Variants in SYNE2 observed in about 807,000 individuals in gnomAD.
The protein encoded by SYNE2 is spectrin repeat containing nuclear envelope protein 2.
A neutral mutation model predicts 856.3 loss-of-function variants in SYNE2; 431 were observed. That is an observed-to-expected ratio of 0.50 (90% confidence interval 0.47 to 0.55). SYNE2 has a LOEUF of 0.55. Ranked by LOEUF, SYNE2 falls within the 20% of genes least tolerant of loss-of-function variation. The probability of loss-of-function intolerance (pLI) is 0.00; values close to 1 mark genes in which losing one functional copy is unlikely to be tolerated. For synonymous variants in SYNE2, 2,923 were observed against 2,872.3 expected, an observed-to-expected ratio of 1.02 and a Z score of -0.56; for missense variants, 8,129 against 8,023.2, an observed-to-expected ratio of 1.01 and a Z score of -0.50.
At chr14:64,032,232 C>T (rs929582675) in intron 45 of SYNE2, among the ~76,000 whole-genome samples, 1 of 152,210 alleles carries the variant, frequency 6.6e-6, no homozygotes, top group Non-Finnish European at 1.5e-5. Flanking sequence ...GAGCATCTCT[C>T]TGTGAGGAAA....
chr14:64,163,340 C>T (rs1053069376), intron 88 of SYNE2, 62 bp from the exon 89 acceptor site: 16 of 1,576,630 alleles, frequency 1.0e-5, no homozygotes, highest in African/African-American at 2.7e-5. Flanking sequence ...GGAGCAGCAG[C>T]GGGTAGGGAA....
chr14:63,772,636 G>C (rs140668598), intron 1 of SYNE2, among the ~76,000 whole-genome samples: 1 of 151,294 alleles, frequency 6.6e-6, no homozygotes, highest in African/African-American at 2.4e-5. Flanking sequence ...CCAGCTATTC[G>C]GGAGGCTGAG....
chr14:64,052,903 A>C lies in SYNE2; in HGVS notation c.8990A>C (p.Gln2997Pro), dbSNP rs1327259722. 1 of 1,613,524 alleles carries C rather than the reference A, an allele frequency of 6.2e-7. No individual in the cohort carries two copies. The highest frequency in any genetic ancestry group is 8.5e-7 in the Non-Finnish European group (1 of 1,179,856). The change falls in exon 48 of 116, where the codon CAG becomes CCG. Residue 2997 changes from glutamine to proline, a missense_variant. This residue lies in a region of SYNE2 where 5,410 missense variants were observed against 5,284.8 expected (regional missense o/e 1.02). Transcript: ENST00000555002. Reference protein sequence around the residue: ...RLTAIKCCILQVLKLKKVFDY... With the variant: ...RLTAIKCCILPVLKLKKVFDY... Reference sequence around the variant, plus strand: ...ACCGCTATTAAGTGTTGCATCTTACAGGTATTGAAACTTAAAAAAGTGTTT... The same window carrying C: ...ACCGCTATTAAGTGTTGCATCTTACCGGTATTGAAACTTAAAAAAGTGTTT...
chr14:63,841,340 C>T (rs929032427), intron 1 of SYNE2, among the ~76,000 whole-genome samples: 2 of 152,204 alleles, frequency 1.3e-5, no homozygotes, highest in Admixed American at 6.5e-5. Context: ...TAGCTGTCCT[C>T]ATGCTGCTTG....
chr14:63,978,937 G>T lies in SYNE2; in HGVS notation c.1492G>T (p.Val498Leu). 6.2e-7 allele frequency: 1 copy of T among 1,613,556 alleles called. No individual in the cohort carries two copies. Among genetic ancestry groups the T allele is most frequent in the Non-Finnish European group, 8.5e-7 (1 of 1,179,576 alleles). ...KCLVLGLVDE[V>L]KSKLDIWNIK... ...CTTAGTTCTTGGTTTGGTAGATGAA[G>T]TGAAATCAAAATTGGATATTTGGAA... The change falls in exon 14 of 116, where the codon GTG (valine) becomes TTG (leucine). Residue 498 changes from valine (V) to leucine (L), a missense_variant. By Grantham distance (32) the Val-to-Leu change is conservative (BLOSUM62 1). Transcript: ENST00000555002.
chr14:64,060,404 G>T (rs558334428), intron 49 of SYNE2, among the ~76,000 whole-genome samples: 1 of 151,626 alleles, frequency 6.6e-6, no homozygotes, highest in East Asian at 2.0e-4. Context: ...CGAGGAAGTG[G>T]GTTCCCTTCT....
At chr14:63,798,314 T>G (rs568864966) in intron 1 of SYNE2, among the ~76,000 whole-genome samples, 56 of 152,190 alleles carry the variant, frequency 3.7e-4, no homozygotes, top group African/African-American at 1.3e-3. Flanking sequence ...CCTCCCAAAG[T>G]GCAAGAATTA....
At position 63,938,345 on chromosome 14, in the gene SYNE2, A is replaced by G. The variant is rs528314422; in HGVS notation, c.80-2269A>G. ...GCAGTACACGCCTGTAGTCCCAGCTACTTGGGAGCCTGGGAGGTCAAGGCT... is the reference window on the plus strand; with the variant it reads ...GCAGTACACGCCTGTAGTCCCAGCTGCTTGGGAGCCTGGGAGGTCAAGGCT... On this transcript the variant is annotated intron_variant, in intron 2 of 115. Coordinates refer to ENST00000555002, the MANE Select transcript of SYNE2 (RefSeq NM_182914.3). Among the ~76,000 whole-genome samples the G allele has an allele frequency of 2.6e-5, 4 of 152,240 alleles. No homozygotes were observed. In the South Asian group the frequency reaches 6.2e-4, roughly 24 times the overall value.
rs1266361348 is a variant in SYNE2, at chr14:64,100,529, AAAATATATATATAT to A, written c.12382-1401_12382-1388del. ...AAAACTGTCTCAAAAAAAAAAAAAA[AAAATATATATATAT>A]ATATATATATATATATATATATATA... On this transcript the variant is annotated intron_variant, in intron 63 of 115. Transcript: ENST00000555002. Among the ~76,000 whole-genome samples the A allele has an allele frequency of 1.3e-3, 73 of 57,638 alleles. 1 individual carries two copies. Among genetic ancestry groups the A allele is most frequent in the South Asian group, 3.4e-3 (5 of 1,468 alleles). 37.8% of individuals were successfully genotyped at this position (57,638 alleles called of 152,430 possible). A position where few individuals can be genotyped will look rare whatever the true frequency, so the allele number is the denominator to read the frequency against.
intron 1 of SYNE2, among the ~76,000 whole-genome samples, chr14:63,830,928 C>T (rs186220441): frequency 2.5e-4 from 38 of 149,428 alleles, no homozygotes; most frequent in African/African-American, 9.1e-4. Context: ...GCAACCTCCA[C>T]CTTCCGGGTT....
At chr14:63,943,155 CTG>C (rs1287281169) in intron 6 of SYNE2, among the ~76,000 whole-genome samples, 2 of 152,230 alleles carry the variant, frequency 1.3e-5, no homozygotes, top group Non-Finnish European at 2.9e-5. Flanking sequence ...TCCTATCTGA[CTG>C]TGAATAATCC....
Position 63,983,639 on chromosome 14 carries a change from C to T in SYNE2, c.2002-98C>T, listed in dbSNP as rs1354184950. The T allele has an allele frequency of 4.9e-6, 5 of 1,024,456 alleles. No individual in the cohort carries two copies. The East Asian group carries it at 1.1e-4, about 22-fold the overall frequency. 63.5% of individuals were successfully genotyped at this position (1,024,456 alleles called of 1,614,324 possible). A position where few individuals can be genotyped will look rare whatever the true frequency, so the allele number is the denominator to read the frequency against. ...AACACTGTTGTAGTTTAATCCTAAA[C>T]ATATATTTGAATATATTACATCCAC... On this transcript the variant is annotated intron_variant, in intron 17 of 115. Coordinates refer to ENST00000555002, the MANE Select transcript of SYNE2 (RefSeq NM_182914.3).
At chr14:64,097,336 A>T (rs2097685446) in intron 61 of SYNE2, among the ~76,000 whole-genome samples, 1 of 109,468 alleles carries the variant, frequency 9.1e-6, no homozygotes, top group Non-Finnish European at 1.8e-5. Context: ...GACTCTGCTT[A>T]AAAAAAAAGT....
chr14:63,786,834 G>A (rs1887547064), intron 1 of SYNE2, among the ~76,000 whole-genome samples: 1 of 152,074 alleles, frequency 6.6e-6, no homozygotes, highest in South Asian at 2.1e-4. Context: ...TGCAAACATG[G>A]CTCACTGCAG....
intron 14 of SYNE2, 43 bp downstream of exon 14, chr14:63,979,057 T>G: frequency 6.3e-7 from 1 of 1,597,898 alleles, no homozygotes; most frequent in Non-Finnish European, 8.6e-7. Flanking sequence ...CCTCCATCTC[T>G]GGGTGCTGTG....
chr14:63,975,172 G>T (rs535036863), intron 11 of SYNE2, among the ~76,000 whole-genome samples: 1 of 151,570 alleles, frequency 6.6e-6, no homozygotes, highest in South Asian at 2.1e-4. Flanking sequence ...GCTGGGCAGG[G>T]CCCTGCTCTT....
rs931808661 is a variant in SYNE2 at position 64,017,503 on chromosome 14, A to T, written c.4888-92A>T. On this transcript the variant is annotated intron_variant, in intron 33 of 115. Coordinates refer to ENST00000555002, the MANE Select transcript of SYNE2 (RefSeq NM_182914.3). The stretch of plus-strand genomic sequence containing the variant: ...GCAGATTATCCAGTAATAGTAAACT[A>T]AAATTTTATTTTAAAACAGTGTTTG... 4.4e-6 allele frequency: 5 copies of T among 1,142,458 alleles called. No homozygotes were observed. In the African/African-American group the frequency reaches 6.2e-5, roughly 14 times the overall value. 70.8% of individuals were successfully genotyped at this position (1,142,458 alleles called of 1,614,324 possible). A position where few individuals can be genotyped will look rare whatever the true frequency, so the allele number is the denominator to read the frequency against.
chr14:64,197,344 A>T (rs935471078), intron 99 of SYNE2, among the ~76,000 whole-genome samples: 2 of 152,178 alleles, frequency 1.3e-5, no homozygotes, highest in Non-Finnish European at 2.9e-5. Flanking sequence ...CGTGTGGAAA[A>T]TGGAAGTCCT....
At chr14:63,996,179 C>T (rs186312278) in intron 23 of SYNE2, among the ~76,000 whole-genome samples, 8 of 152,282 alleles carry the variant, frequency 5.3e-5, no homozygotes, top group Admixed American at 2.0e-4. Context: ...TGTCTCATGA[C>T]GCCCTTCCTC....
Sources: gnomAD v4.1 joint callset for allele counts (sites outside exome capture counted in the v4.1 genomes callset) on GRCh38, gnomAD v4.1.1 for gene constraint, gnomAD v4.1.1 regional missense constraint, MANE v1.5 for transcripts, NCBI Gene and HGNC (gene_info 2026-07-23, HGNC 2026-07-21) for gene names.